The following FMNL1 variants were observed in gnomAD, a reference collection of about 807,000 sequenced individuals.
FMNL1 encodes the protein formin like 1.
FMNL1 carries 43 observed loss-of-function variants against 121.3 expected under a neutral mutation model. The observed-to-expected ratio is 0.35, with a 90% confidence interval of 0.28 to 0.46. FMNL1 has a LOEUF of 0.46. Among genes scored for constraint, FMNL1 ranks in the 20% least tolerant of loss-of-function variants. The pLI, the probability that FMNL1 is intolerant of heterozygous loss-of-function variation, is 1.00. For missense variants in FMNL1, 1,191 were observed against 1,482.4 expected (o/e 0.80, Z 3.23); for synonymous variants, 613 against 613.5 (o/e 1.00, Z 0.01).
At chr17:45,238,865 A>G (rs2043615437) in intron 10 of FMNL1, 90 bp from the exon 11 acceptor site, 1 of 1,192,990 alleles carries the variant, frequency 8.4e-7, no homozygotes, top group Non-Finnish European at 1.2e-6. Context: ...AACTGTGGAG[A>G]AGGAGGGAGG....
chr17:45,229,041 C>A (rs2043386338), intron 1 of FMNL1, among the ~76,000 whole-genome samples: 1 of 136,874 alleles, frequency 7.3e-6, no homozygotes, highest in African/African-American at 3.0e-5. Context: ...CTTTGTACTC[C>A]TGGGCGGTTC....
At position 45,233,833 on chromosome 17, in the gene FMNL1, C is replaced by T. The variant is rs1380473677; in HGVS notation, c.485+102C>T. ...CTGGCCAGTTTCAAGCCAGGCAGCC[C>T]GAGCCTACCCTGGAACCCTCCACTT... On this transcript the variant is annotated intron_variant, in intron 5 of 26. Transcript: ENST00000331495. This position sits in a 1 kb window ranked among gnomAD's most constrained non-coding sequence, Gnocchi z 4.1. 1.5e-5 allele frequency: 22 copies of T among 1,478,066 alleles called. No individual in the cohort carries two copies. In the East Asian group the frequency reaches 2.2e-4, roughly 15 times the overall value. 91.6% of individuals were successfully genotyped at this position (1,478,066 alleles called of 1,614,324 possible).
intron 1 of FMNL1, among the ~76,000 whole-genome samples, chr17:45,222,725 G>A (rs2043254404): frequency 6.6e-6 from 1 of 152,218 alleles, no homozygotes; most frequent in Non-Finnish European, 1.5e-5. Context: ...CCTGGGCTGC[G>A]GGGAATGGGG....
chr17:45,239,085 C>G lies in FMNL1; in HGVS notation c.1080+20C>G, dbSNP rs2043621032. 6.3e-7 allele frequency: 1 copy of G among 1,589,970 alleles called. No homozygotes were observed. The highest frequency in any genetic ancestry group is 1.3e-5 in the African/African-American group (1 of 74,384). Reference sequence around the variant, plus strand: ...TTGGAGGTAAGCCCTGTACTGCCCCCCAGACTGAACTGCCTGCCCACGGCA... The same window carrying G: ...TTGGAGGTAAGCCCTGTACTGCCCCGCAGACTGAACTGCCTGCCCACGGCA... On this transcript the variant is annotated intron_variant, in intron 11 of 26. Transcript: ENST00000331495.
rs2043668047 is a variant in FMNL1 at position 45,240,678 on chromosome 17, C to A, written c.1230+53C>A. The A allele has an allele frequency of 2.5e-6, 4 of 1,578,906 alleles. No individual in the cohort carries two copies. In the South Asian group the frequency reaches 4.6e-5, roughly 18 times the overall value. On this transcript the variant is annotated intron_variant, in intron 12 of 26. Transcript: ENST00000331495. ...GCACATCATAGGCCCACAGGGCACA[C>A]GGGCCACAGGGCCACGCAAGCATGG...
chr17:45,228,012 G>C (rs1765774494), intron 1 of FMNL1, among the ~76,000 whole-genome samples: 4 of 152,056 alleles, frequency 2.6e-5, no homozygotes. Flanking sequence ...CCTCCTACTT[G>C]AGCACTGTCA....
At chr17:45,245,796 G>A (rs1235717451) in intron 23 of FMNL1, 63 bp downstream of exon 23, 12 of 1,608,654 alleles carry the variant, frequency 7.5e-6, no homozygotes, top group South Asian at 5.5e-5. Flanking sequence ...ACTGGGCAGC[G>A]GAGGGGTGGG....
intron 1 of FMNL1, among the ~76,000 whole-genome samples, chr17:45,222,525 T>G (rs2043248529): frequency 6.6e-6 from 1 of 152,118 alleles, no homozygotes; most frequent in Non-Finnish European, 1.5e-5. Context: ...AAGTATGTCC[T>G]GTGAAGAAGT....
Position 45,237,282 on chromosome 17 carries a change from C to T in FMNL1, c.725C>T (p.Ser242Phe). The part of the protein sequence containing the change: ...MCLRAIMNYQ[S>F]GFSLVMNHPA... The stretch of plus-strand genomic sequence containing the variant: ...CACTGACCTCTCCTCTCTCCCCAGT[C>T]TGGCTTCAGCCTTGTCATGAACCAC... The change falls in exon 8 of 27, where the codon TCT becomes TTT. Residue 242 changes from serine (S) to phenylalanine (F), a missense_variant and splice_region_variant. Ser to Phe is a radical substitution (Grantham distance 155). This residue lies in a region of FMNL1 where 253 missense variants were observed against 417.5 expected (regional missense o/e 0.61). Coordinates refer to ENST00000331495, the MANE Select transcript of FMNL1 (RefSeq NM_005892.4). The surrounding 1 kb of genome is among the most constrained non-coding windows in gnomAD (Gnocchi z 4.4). 1 of 1,614,200 alleles carries T rather than the reference C, an allele frequency of 6.2e-7. No homozygotes were observed. The highest frequency in any genetic ancestry group is 8.5e-7 in the Non-Finnish European group (1 of 1,180,018).
chr17:45,241,625 C>A lies in FMNL1; in HGVS notation c.1576C>A (p.Pro526Thr), dbSNP rs983483815. ...APTPGVPTGS[P>T]SPDLAPAAEP... ...GACTCCGGGGGTGCCGACCGGCTCC[C>A]CCAGCCCAGGTGCGCAGGAGCTTCA... Residue 526 changes from proline to threonine, a missense_variant, in exon 14 of 27, where the codon CCC becomes ACC. Transcript: ENST00000331495. The surrounding 1 kb of genome is among the most constrained non-coding windows in gnomAD (Gnocchi z 7.0). The A allele has an allele frequency of 1.3e-6, 2 of 1,513,194 alleles. No homozygotes were observed. Among genetic ancestry groups the A allele is most frequent in the Non-Finnish European group, 1.8e-6 (2 of 1,128,782 alleles). 93.7% of individuals were successfully genotyped at this position (1,513,194 alleles called of 1,614,324 possible). A position where few individuals can be genotyped will look rare whatever the true frequency, so the allele number is the denominator to read the frequency against.
In FMNL1 at chr17:45,231,033, C is replaced by A. The variant is rs1306714127; in HGVS notation, c.213+346C>A. On this transcript the variant is annotated intron_variant, in intron 2 of 26. Coordinates refer to ENST00000331495, the MANE Select transcript of FMNL1 (RefSeq NM_005892.4). The surrounding 1 kb of genome is among the most constrained non-coding windows in gnomAD (Gnocchi z 4.7). Reference sequence around the variant, plus strand: ...CTGGACTGGGGAAGGGAGAGGGCGACCCTGGGGTTGGACATCTTCACCTGA... The same window carrying A: ...CTGGACTGGGGAAGGGAGAGGGCGAACCTGGGGTTGGACATCTTCACCTGA... 6.6e-6 allele frequency among the ~76,000 whole-genome samples: 1 copy of A among 152,128 alleles called. No individual in the cohort carries two copies. Among genetic ancestry groups the A allele is most frequent in the Non-Finnish European group, 1.5e-5 (1 of 67,998 alleles).
chr17:45,237,646 G>T lies in FMNL1; in HGVS notation c.894+7G>T, dbSNP rs747097969. On this transcript the variant is annotated splice_region_variant and intron_variant, in intron 9 of 26. Transcript: ENST00000331495. This position sits in a 1 kb window ranked among gnomAD's most constrained non-coding sequence, Gnocchi z 4.4. ...CTTTGACAACTTCAAGGAGGTACCG[G>T]AGTCCCTCACCCAAACATGCATTTC... The T allele has an allele frequency of 1.9e-6, 3 of 1,613,852 alleles. No individual in the cohort carries two copies. Among genetic ancestry groups the T allele is most frequent in the Non-Finnish European group, 2.5e-6 (3 of 1,179,768 alleles).
intron 1 of FMNL1, among the ~76,000 whole-genome samples, chr17:45,228,931 C>A (rs1252042792): frequency 8.5e-5 from 13 of 152,212 alleles, no homozygotes; most frequent in Admixed American, 8.5e-4. Flanking sequence ...CTTAGCCCTG[C>A]CCCACCCTTT....
Position 45,246,540 on chromosome 17 carries a change from A to C in FMNL1, c.3247A>C (p.Lys1083Gln), listed in dbSNP as rs1332130709. Reference protein sequence around the residue: ...KTVPFTARTGKRTSRLLCEAS... With the variant: ...KTVPFTARTGQRTSRLLCEAS... ...GGTGCCCTTCACGGCCCGCACCGGC[A>C]AGCGGACATCCCGGCTCCTCTGTGA... Residue 1083 changes from lysine to glutamine, a missense_variant, in exon 26 of 27, where the codon AAG becomes CAG. By Grantham distance (53) the Lys-to-Gln change is moderately conservative. Transcript: ENST00000331495. 1.9e-5 allele frequency: 31 copies of C among 1,613,582 alleles called. No individual in the cohort carries two copies. The highest frequency in any genetic ancestry group is 2.5e-5 in the Non-Finnish European group (30 of 1,179,752).
At chr17:45,245,605 T>TG (rs750379622) in intron 22 of FMNL1, 27 bp from the exon 23 acceptor site, 1 of 1,613,044 alleles carries the variant, frequency 6.2e-7, no homozygotes. Context: ...AGGTCTAAGC[T>TG]GGGGGGCTGA....
chr17:45,245,824 G>A, intron 23 of FMNL1, 54 bp from the exon 24 acceptor site: 1 of 1,602,646 alleles, frequency 6.2e-7, no homozygotes, highest in Non-Finnish European at 8.5e-7. Flanking sequence ...CTGTTTAGGG[G>A]GTGGGTAGGG....
intron 25 of FMNL1, 69 bp from the exon 26 acceptor site, chr17:45,246,436 G>C: frequency 6.2e-7 from 1 of 1,613,086 alleles, no homozygotes; most frequent in Non-Finnish European, 8.5e-7. Context: ...ACTGCTTCTT[G>C]CTACCTTTTC....
At chr17:45,232,633 G>T (rs1022195071) in intron 3 of FMNL1, among the ~76,000 whole-genome samples, 153 bp downstream of exon 3, 2 of 151,832 alleles carry the variant, frequency 1.3e-5, no homozygotes, top group Non-Finnish European at 2.9e-5. Flanking sequence ...ATTTATAGGG[G>T]AATGAGAGTG....
At chr17:45,230,816 A>G (rs58744688) in intron 2 of FMNL1, 129 bp downstream of exon 2, 7 of 933,116 alleles carry the variant, frequency 7.5e-6, no homozygotes, top group South Asian at 1.7e-5. Flanking sequence ...TCAGTGGCCA[A>G]TGTAGCACCT....
Sources: gnomAD v4.1 joint callset for allele counts (sites outside exome capture counted in the v4.1 genomes callset) on GRCh38, gnomAD v4.1.1 for gene constraint, gnomAD v4.1.1 regional missense constraint, Gnocchi (gnomAD v3.1) non-coding constraint, MANE v1.5 for transcripts, NCBI Gene and HGNC (gene_info 2026-07-23, HGNC 2026-07-21) for gene names.